The following TBC1D20 variants were observed in gnomAD, a reference collection of about 807,000 sequenced individuals.
TBC1D20 encodes TBC1 domain family member 20.
Under a neutral mutation model 41.6 loss-of-function variants are expected in TBC1D20, and 12 were observed. The observed-to-expected ratio is 0.29, with a 90% CI of 0.18 to 0.47. The LOEUF (loss-of-function observed/expected upper bound fraction) is 0.47, where lower values mean the gene tolerates loss of function less well. TBC1D20 is among the 20% of genes least tolerant of loss of function. TBC1D20 has a pLI of 1.00. For synonymous variants in TBC1D20, 205 were observed against 204.8 expected, an observed-to-expected ratio of 1.00 and a Z score of -0.01; for missense variants, 421 against 517.4, an observed-to-expected ratio of 0.81 and a Z score of 1.81.
rs568527122 is a variant in TBC1D20, at chr20:439,704, C to T, written c.769-409G>A. ...AAAGAACAGTCTTGCTCCCTTTAAG[C>T]ATCTTCCTTCTGACTGTTGGTCCAC... On this transcript the variant is annotated intron_variant, in intron 6 of 7. Transcript: ENST00000354200. This position sits in a 1 kb window ranked among gnomAD's most constrained non-coding sequence, Gnocchi z 4.6. Among the ~76,000 whole-genome samples the T allele has an allele frequency of 6.6e-6, 1 of 152,334 alleles. No individual in the cohort carries two copies. The highest frequency in any genetic ancestry group is 2.1e-4 in the South Asian group (1 of 4,820).
rs62189970 is a variant in TBC1D20, at chr20:438,188, G to A, written c.*398C>T. The A allele has an allele frequency of 5.6e-6, 1 of 179,952 alleles. No homozygotes were observed. The highest frequency in any genetic ancestry group is 1.2e-5 in the Non-Finnish European group (1 of 83,646). The allele number at this position is 179,952 out of a possible 1,614,324, so 11.1% of individuals were successfully genotyped here. ...TGTGTCCATCTGATGCAGGCAAGCA[G>A]GAGCAGTAAGAGGGCATCCCATGTT... On this transcript the variant is annotated 3_prime_UTR_variant, in exon 8 of 8. Coordinates refer to ENST00000354200, the MANE Select transcript of TBC1D20 (RefSeq NM_144628.4).
chr20:448,503 A>G (rs992683508), intron 1 of TBC1D20, among the ~76,000 whole-genome samples: 7 of 151,984 alleles, frequency 4.6e-5, no homozygotes, highest in Non-Finnish European at 2.9e-5. Flanking sequence ...AGCCTGGCCA[A>G]TATGGTGAAC....
chr20:444,192 G>A (rs936786904), intron 3 of TBC1D20, among the ~76,000 whole-genome samples: 1 of 151,830 alleles, frequency 6.6e-6, no homozygotes, highest in Admixed American at 6.6e-5. Flanking sequence ...AGCAGGCTAG[G>A]AAAAGGGAAT....
Position 441,504 on chromosome 20 carries a change from C to T in TBC1D20, c.626+84G>A, listed in dbSNP as rs900974281. ...TCCACCCAAGACAATGAGGAAACTG[C>T]GCTCGGCTTGTGAGGAGTGTTTCAG... On this transcript the variant is annotated intron_variant, in intron 5 of 7. Transcript: ENST00000354200. 1.2e-5 allele frequency: 14 copies of T among 1,199,406 alleles called. No individual in the cohort carries two copies. In the African/African-American group the frequency reaches 1.2e-4, roughly 10 times the overall value. 74.3% of individuals were successfully genotyped at this position (1,199,406 alleles called of 1,614,324 possible). A position where few individuals can be genotyped will look rare whatever the true frequency, so the allele number is the denominator to read the frequency against.
intron 5 of TBC1D20, chr20:441,344 T>TGG (rs1386403420): frequency 4.1e-6 from 2 of 490,802 alleles, no homozygotes; most frequent in African/African-American, 3.8e-5. Flanking sequence ...ATACATACCT[T>TGG]ATCCACCTCT....
chr20:453,423 G>A (rs1021584834), intron 1 of TBC1D20, among the ~76,000 whole-genome samples: 7 of 147,068 alleles, frequency 4.8e-5, no homozygotes, highest in Non-Finnish European at 9.0e-5. Flanking sequence ...GCAGTGAGCC[G>A]AGATCATGCT....
intron 2 of TBC1D20, among the ~76,000 whole-genome samples, chr20:446,550 G>A (rs575012867): frequency 3.3e-5 from 5 of 151,944 alleles, no homozygotes; most frequent in Admixed American, 1.3e-4. Flanking sequence ...CATGTTGGCC[G>A]GGCTGGTCTC....
At chr20:444,931 A>C (rs757051328) in intron 3 of TBC1D20, 119 bp downstream of exon 3, 249 of 812,560 alleles carry the variant, frequency 3.1e-4, no homozygotes, top group Admixed American at 2.3e-3. Context: ...AGGATGACTC[A>C]GCAAAAGGAG....
In TBC1D20 at chr20:453,476, C is replaced by T. The variant is rs147610912; in HGVS notation, c.71-5402G>A. On this transcript the variant is annotated intron_variant, in intron 1 of 7. Transcript: ENST00000354200. Reference sequence around the variant, plus strand: ...AGCCTGGGCGACAAGAGCGAAACTCCGTCTCAAAAACAACAACAACAACGA... The same window carrying T: ...AGCCTGGGCGACAAGAGCGAAACTCTGTCTCAAAAACAACAACAACAACGA... Among the ~76,000 whole-genome samples, 1,422 of 146,960 alleles carry T rather than the reference C, an allele frequency of 9.7e-3. 127 individuals are homozygous for T. The highest frequency in any genetic ancestry group is 0.034 in the African/African-American group (1,340 of 39,010).
intron 2 of TBC1D20, among the ~76,000 whole-genome samples, chr20:446,155 C>T (rs147314603): frequency 8.6e-4 from 131 of 152,372 alleles, no homozygotes; most frequent in Middle Eastern, 3.4e-3. Context: ...AGGAAAGCTA[C>T]AAGGTGAGTG....
intron 1 of TBC1D20, among the ~76,000 whole-genome samples, chr20:456,829 G>T: frequency 6.6e-6 from 1 of 151,896 alleles, no homozygotes; most frequent in East Asian, 1.9e-4. Flanking sequence ...GCCTCCCAAA[G>T]TGCTGGGATT....
At chr20:451,421 G>A (rs137982777) in intron 1 of TBC1D20, among the ~76,000 whole-genome samples, 7,060 of 152,106 alleles carry the variant, frequency 0.046, 192 homozygotes, top group East Asian at 0.091. Flanking sequence ...GGTGGCAGGC[G>A]CTTGTGGTCC....
chr20:450,313 T>C (rs1331457122), intron 1 of TBC1D20, among the ~76,000 whole-genome samples: 2 of 151,356 alleles, frequency 1.3e-5, no homozygotes, highest in Non-Finnish European at 2.9e-5. Flanking sequence ...CACGCTTTGC[T>C]AATTTTTTTT....
chr20:444,581 ATTTT>A (rs568842758), intron 3 of TBC1D20, among the ~76,000 whole-genome samples: 118 of 151,840 alleles, frequency 7.8e-4, no homozygotes, highest in African/African-American at 2.6e-3. Flanking sequence ...TTATTTATTT[ATTTT>A]TTTATCTATT....
At chr20:445,205 A>T in intron 2 of TBC1D20, 75 bp from the exon 3 acceptor site, 2 of 1,115,736 alleles carry the variant, frequency 1.8e-6, no homozygotes, top group Non-Finnish European at 2.7e-6. Context: ...CTGGGATGAC[A>T]CAAAAGGCCT....
chr20:451,272 C>T (rs190455758), intron 1 of TBC1D20, among the ~76,000 whole-genome samples: 94 of 152,222 alleles, frequency 6.2e-4, no homozygotes, highest in Non-Finnish European at 5.1e-4. Context: ...TGGCCGGGGA[C>T]GGTGGCTCAC....
At position 445,309 on chromosome 20, in the gene TBC1D20, T is replaced by C. The variant is rs1473314935; in HGVS notation, c.257-179A>G. ...CCTAGTTTGGTTCCAAACATTATGT[T>C]TCCTGCAAGTCACAATGACCCTAAG... On this transcript the variant is annotated intron_variant, in intron 2 of 7. Coordinates refer to ENST00000354200, the MANE Select transcript of TBC1D20 (RefSeq NM_144628.4). Among the ~76,000 whole-genome samples, 5 of 152,164 alleles carry C rather than the reference T, an allele frequency of 3.3e-5. No homozygotes were observed. The East Asian group carries it at 9.6e-4, about 29-fold the overall frequency.
intron 3 of TBC1D20, 131 bp from the exon 4 acceptor site, chr20:442,174 A>C: frequency 1.2e-6 from 1 of 813,784 alleles, no homozygotes; most frequent in Non-Finnish European, 1.9e-6. Context: ...AACGCATATC[A>C]AGATCCACTG....
chr20:440,397 C>G lies in TBC1D20; in HGVS notation c.627-8G>C. 1 of 1,613,960 alleles carries G rather than the reference C, an allele frequency of 6.2e-7. No homozygotes were observed. Among genetic ancestry groups the G allele is most frequent in the East Asian group, 2.2e-5 (1 of 44,862 alleles). On this transcript the variant is annotated splice_region_variant and splice_polypyrimidine_tract_variant and intron_variant, in intron 5 of 7. Coordinates refer to ENST00000354200, the MANE Select transcript of TBC1D20 (RefSeq NM_144628.4). Reference sequence around the variant, plus strand: ...ATGGTCCCTACCTCAGCACTAGAAACAAAGGAAAGGCAGGTGTCAGGTCCT... The same window carrying G: ...ATGGTCCCTACCTCAGCACTAGAAAGAAAGGAAAGGCAGGTGTCAGGTCCT...
Sources: allele counts gnomAD v4.1 joint callset (sites outside exome capture counted in the v4.1 genomes callset), GRCh38; gene constraint gnomAD v4.1.1; non-coding constraint Gnocchi (gnomAD v3.1); transcripts MANE v1.5; gene names NCBI Gene and HGNC (gene_info 2026-07-23, HGNC 2026-07-21).